Variants in ALK observed in about 807,000 individuals in gnomAD.
ALK encodes the protein ALK receptor tyrosine kinase, also known as ALK tyrosine kinase receptor.
In ALK, 74 loss-of-function variants were observed where a neutral mutation model predicts 163.1. That is an observed-to-expected ratio of 0.45 (90% CI 0.38 to 0.55). ALK has a LOEUF of 0.55. Among genes scored for constraint, ALK ranks in the 20% least tolerant of loss-of-function variants. The pLI is 0.00. For missense variants in ALK, 2,063 were observed against 2,105.3 expected (o/e 0.98, Z 0.39); for synonymous variants, 960 against 843.2 (o/e 1.14, Z -2.40).
chr2:29,396,836 G>GTTTTTTTGTTTTTTT (rs1669319100), intron 4 of ALK, among the ~76,000 whole-genome samples: 1 of 46,606 alleles, frequency 2.1e-5, no homozygotes, highest in Non-Finnish European at 3.5e-5. Context: ...TGTTACTATG[G>GTTTTTTTGTTTTTTT]TTTTTTTTTT....
At chr2:29,415,435 T>C (rs1669852234) in intron 4 of ALK, among the ~76,000 whole-genome samples, 1 of 152,130 alleles carries the variant, frequency 6.6e-6, no homozygotes, top group African/African-American at 2.4e-5. Context: ...GCTGAAGCTC[T>C]ATTTGGTCAC....
intron 3 of ALK, among the ~76,000 whole-genome samples, chr2:29,655,324 A>G (rs1464965417): frequency 1.3e-5 from 2 of 152,144 alleles, no homozygotes; most frequent in Non-Finnish European, 2.9e-5. Context: ...GAACCTAATT[A>G]ATGGTTTTGT....
At chr2:29,374,518 T>G (rs1358123920) in intron 5 of ALK, among the ~76,000 whole-genome samples, 1 of 152,070 alleles carries the variant, frequency 6.6e-6, no homozygotes, top group African/African-American at 2.4e-5. Context: ...TAGCATCTAT[T>G]GAGTGAGACA....
intron 3 of ALK, among the ~76,000 whole-genome samples, chr2:29,680,686 A>G (rs190332330): frequency 5.9e-5 from 9 of 152,186 alleles, no homozygotes; most frequent in Admixed American, 5.2e-4. Flanking sequence ...TCTAAATCCA[A>G]TAGTTGAGGA....
chr2:29,668,547 T>C (rs1677587038), intron 3 of ALK, among the ~76,000 whole-genome samples: 1 of 152,128 alleles, frequency 6.6e-6, no homozygotes, highest in African/African-American at 2.4e-5. Flanking sequence ...AATTTCTGTG[T>C]CTGTGTATTT....
chr2:29,336,837 C>T (rs146280806), intron 5 of ALK, among the ~76,000 whole-genome samples: 7 of 152,286 alleles, frequency 4.6e-5, no homozygotes, highest in East Asian at 3.9e-4. Flanking sequence ...CATCTCCTAC[C>T]TGCTTGCTCT....
At chr2:29,319,135 C>T (rs571048504) in intron 7 of ALK, 1 of 152,396 alleles carries the variant, frequency 6.6e-6, no homozygotes, top group South Asian at 2.1e-4. Context: ...AAGCATGGCT[C>T]TGCCTGAAAA....
At chr2:29,884,250 T>C (rs949503150) in intron 1 of ALK, among the ~76,000 whole-genome samples, 4 of 152,232 alleles carry the variant, frequency 2.6e-5, no homozygotes, top group African/African-American at 9.6e-5. Context: ...AGTTCTCACA[T>C]ATTATTCATC....
intron 9 of ALK, among the ~76,000 whole-genome samples, chr2:29,292,046 T>TAAA (rs1666038366): frequency 6.6e-6 from 1 of 152,198 alleles, no homozygotes; most frequent in Non-Finnish European, 1.5e-5. Context: ...GATGCATTGG[T>TAAA]GAAACACACC....
At chr2:29,488,627 C>A (rs1001209202) in intron 4 of ALK, among the ~76,000 whole-genome samples, 16 of 152,158 alleles carry the variant, frequency 1.1e-4, no homozygotes, top group African/African-American at 3.9e-4. Flanking sequence ...GTGTAGCATT[C>A]TTTTTCTTCA....
intron 4 of ALK, among the ~76,000 whole-genome samples, chr2:29,420,916 C>T (rs1670000545): frequency 6.6e-6 from 1 of 151,680 alleles, no homozygotes; most frequent in East Asian, 1.9e-4. Flanking sequence ...ATAGCTTGCC[C>T]TCTCCACTTT....
At chr2:29,232,527 C>T (rs1664244012) in intron 14 of ALK, 79 bp from the exon 15 acceptor site, 1 of 1,591,604 alleles carries the variant, frequency 6.3e-7, no homozygotes, top group Admixed American at 1.7e-5. Flanking sequence ...GTAAATTCAA[C>T]CTGACTGAGG....
At chr2:29,884,117 T>C (rs1169815232) in intron 1 of ALK, among the ~76,000 whole-genome samples, 1 of 152,140 alleles carries the variant, frequency 6.6e-6, no homozygotes, top group Non-Finnish European at 1.5e-5. Context: ...AATAGTTTCA[T>C]AACCACCTGT....
At chr2:29,603,683 A>T in intron 3 of ALK, among the ~76,000 whole-genome samples, 1 of 152,088 alleles carries the variant, frequency 6.6e-6, no homozygotes, top group East Asian at 1.9e-4. Context: ...TTGGTTTACC[A>T]GTTCATCCCT....
intron 4 of ALK, among the ~76,000 whole-genome samples, chr2:29,475,461 T>C (rs4493214): frequency 0.51 from 76,739 of 151,446 alleles, 20,408 homozygotes; most frequent in South Asian, 0.62. Flanking sequence ...CCAGAATCCC[T>C]CCCTCCACTA....
chr2:29,687,813 C>T (rs1678282420), intron 3 of ALK, among the ~76,000 whole-genome samples: 1 of 151,932 alleles, frequency 6.6e-6, no homozygotes, highest in Non-Finnish European at 1.5e-5. Context: ...CCATATTATT[C>T]AATATTTTTA....
chr2:29,424,259 T>C (rs1284411117), intron 4 of ALK, among the ~76,000 whole-genome samples: 1 of 152,174 alleles, frequency 6.6e-6, no homozygotes, highest in African/African-American at 2.4e-5. Context: ...TTATCTAACC[T>C]GACTTTCTTA....
At chr2:29,407,330 T>G (rs532379755) in intron 4 of ALK, among the ~76,000 whole-genome samples, 2 of 152,394 alleles carry the variant, frequency 1.3e-5, no homozygotes, top group South Asian at 4.1e-4. Context: ...TTGTCATTAT[T>G]CACAGTTAAC....
chr2:29,228,803 CA>C (rs1664091523), intron 16 of ALK, 80 bp downstream of exon 16: 6 of 906,530 alleles, frequency 6.6e-6, no homozygotes, highest in African/African-American at 5.6e-5. Flanking sequence ...CAGGGGAGGG[CA>C]GGGGAGGGCA....
Sources: gnomAD v4.1 joint callset for allele counts (sites outside exome capture counted in the v4.1 genomes callset) on GRCh38, gnomAD v4.1.1 for gene constraint, MANE v1.5 for transcripts, NCBI Gene and HGNC (gene_info 2026-07-23, HGNC 2026-07-21) for gene names.